GRID2: variants seen among roughly 807,000 people sequenced by gnomAD.
GRID2 encodes the protein glutamate receptor ionotropic, delta-2.
A neutral mutation model predicts 114.8 loss-of-function variants in GRID2; 33 were observed. The ratio of observed to expected loss-of-function variants is 0.29; its 90% CI spans 0.22 to 0.38. GRID2 has a LOEUF of 0.38. Ranked by LOEUF, GRID2 falls within the 10% of genes least tolerant of loss-of-function variation. The probability of loss-of-function intolerance (pLI) is 1.00; values close to 1 mark genes in which losing one functional copy is unlikely to be tolerated. For missense variants in GRID2, 1,184 were observed against 1,257.7 expected (o/e 0.94, Z 0.89); for synonymous variants, 505 against 449.9 (o/e 1.12, Z -1.55).
At chr4:92,455,312 T>C (rs1721153491) in intron 1 of GRID2, among the ~76,000 whole-genome samples, 1 of 152,184 alleles carries the variant, frequency 6.6e-6, no homozygotes, top group South Asian at 2.1e-4. Flanking sequence ...CATTTCCGTG[T>C]TCTTGTGAAA....
chr4:92,346,538 G>A (rs1311736556), intron 1 of GRID2, among the ~76,000 whole-genome samples: 1 of 151,850 alleles, frequency 6.6e-6, no homozygotes, highest in Non-Finnish European at 1.5e-5. Flanking sequence ...GCCAATTTTT[G>A]TGTTTTTCTG....
chr4:93,004,916 T>C (rs1721353439), intron 2 of GRID2, among the ~76,000 whole-genome samples: 2 of 152,020 alleles, frequency 1.3e-5, no homozygotes, highest in Admixed American at 6.6e-5. Context: ...TTAGTTTCAG[T>C]TTTTGGTTTT....
intron 2 of GRID2, among the ~76,000 whole-genome samples, chr4:92,927,497 G>A (rs547229141): frequency 6.6e-6 from 1 of 151,842 alleles, no homozygotes; most frequent in African/African-American, 2.4e-5. Flanking sequence ...GTACACAGTT[G>A]GGTTGCAATA....
chr4:92,751,048 C>G (rs1294902275), intron 2 of GRID2, among the ~76,000 whole-genome samples: 1 of 151,700 alleles, frequency 6.6e-6, no homozygotes, highest in African/African-American at 2.4e-5. Context: ...GCAAACACAC[C>G]TTTTTATAAG....
At chr4:92,766,601 G>C (rs1045979079) in intron 2 of GRID2, among the ~76,000 whole-genome samples, 4 of 149,656 alleles carry the variant, frequency 2.7e-5, no homozygotes, top group Admixed American at 2.7e-4. Context: ...TGAATAAGTT[G>C]AATGAATGAT....
intron 4 of GRID2, among the ~76,000 whole-genome samples, chr4:93,178,335 C>CATTTTTT (rs1044212689): frequency 7.4e-6 from 1 of 134,438 alleles, no homozygotes; most frequent in African/African-American, 2.8e-5. Context: ...AACTGAGGAT[C>CATTTTTT]ATTTTTTTTA....
At chr4:92,429,600 T>C (rs1448292729) in intron 1 of GRID2, among the ~76,000 whole-genome samples, 1 of 152,150 alleles carries the variant, frequency 6.6e-6, no homozygotes, top group African/African-American at 2.4e-5. Flanking sequence ...TTTCCTTTCT[T>C]TTGGAAAGGA....
At chr4:92,980,489 T>G (rs999588696) in intron 2 of GRID2, among the ~76,000 whole-genome samples, 1 of 152,192 alleles carries the variant, frequency 6.6e-6, no homozygotes, top group East Asian at 1.9e-4. Flanking sequence ...GGAATTGAAT[T>G]ATATTAAAAG....
chr4:92,930,312 ATTCAACGTTTTCATC>A (rs1490710253), intron 2 of GRID2, among the ~76,000 whole-genome samples: 5 of 151,278 alleles, frequency 3.3e-5, no homozygotes, highest in Non-Finnish European at 7.4e-5. Context: ...CTGCTTCCTA[ATTCAACGTTTTCATC>A]TTCAACTAAG....
chr4:93,304,257 A>AATAT (rs10557964), intron 8 of GRID2, among the ~76,000 whole-genome samples: 289 of 142,956 alleles, frequency 2.0e-3, no homozygotes, highest in Middle Eastern at 7.5e-3. Context: ...TAATATTTTA[A>AATAT]ATATATATAT....
chr4:92,441,706 G>T (rs986148382), intron 1 of GRID2, among the ~76,000 whole-genome samples: 3 of 152,048 alleles, frequency 2.0e-5, no homozygotes, highest in Non-Finnish European at 4.4e-5. Context: ...TGAGGGATGG[G>T]ATATTGGCAT....
At chr4:93,229,532 G>T (rs1745876046) in intron 7 of GRID2, among the ~76,000 whole-genome samples, 1 of 152,162 alleles carries the variant, frequency 6.6e-6, no homozygotes, top group African/African-American at 2.4e-5. Flanking sequence ...GAAGTCAGCA[G>T]CCAGCAACAC....
At chr4:92,857,551 A>G (rs113840587) in intron 2 of GRID2, among the ~76,000 whole-genome samples, 3 of 152,304 alleles carry the variant, frequency 2.0e-5, no homozygotes, top group African/African-American at 7.2e-5. Context: ...TTAACTCTTC[A>G]ATTTTATGAA....
intron 1 of GRID2, among the ~76,000 whole-genome samples, chr4:92,581,073 A>C (rs1440243014): frequency 6.6e-6 from 1 of 151,918 alleles, no homozygotes; most frequent in Non-Finnish European, 1.5e-5. Context: ...ATAGCACACA[A>C]GGTTCTGGTT....
intron 13 of GRID2, among the ~76,000 whole-genome samples, chr4:93,604,347 A>T (rs1240694941): frequency 6.6e-6 from 1 of 152,244 alleles, no homozygotes; most frequent in African/African-American, 2.4e-5. Context: ...GTAATTAGAC[A>T]TGGAGCCTGA....
At chr4:92,858,757 C>T (rs1177310540) in intron 2 of GRID2, among the ~76,000 whole-genome samples, 1 of 152,102 alleles carries the variant, frequency 6.6e-6, no homozygotes, top group Non-Finnish European at 1.5e-5. Context: ...CGGGGTTTCA[C>T]CATGTTAGCC....
chr4:92,938,724 C>G (rs1198423239), intron 2 of GRID2, among the ~76,000 whole-genome samples: 1 of 144,400 alleles, frequency 6.9e-6, no homozygotes, highest in Non-Finnish European at 1.5e-5. Flanking sequence ...CAGCCCCCAC[C>G]CCACAACAGT....
At chr4:92,933,603 G>A (rs1018193536) in intron 2 of GRID2, among the ~76,000 whole-genome samples, 2 of 151,488 alleles carry the variant, frequency 1.3e-5, no homozygotes, top group African/African-American at 2.4e-5. Context: ...CTGAATGACT[G>A]CAATTTTCCA....
At chr4:93,001,089 T>C (rs187510391) in intron 2 of GRID2, among the ~76,000 whole-genome samples, 6 of 151,826 alleles carry the variant, frequency 4.0e-5, no homozygotes, top group African/African-American at 1.4e-4. Flanking sequence ...GATGAAAACA[T>C]ATTTATTTGG....
Sources: gnomAD v4.1 joint callset for allele counts (sites outside exome capture counted in the v4.1 genomes callset) on GRCh38, gnomAD v4.1.1 for gene constraint, MANE v1.5 for transcripts, NCBI Gene and HGNC (gene_info 2026-07-23, HGNC 2026-07-21) for gene names.